Variants in ASTN1 observed in about 807,000 individuals in gnomAD.
ASTN1 encodes the protein astrotactin 1.
In ASTN1, 41 loss-of-function variants were observed where a neutral mutation model predicts 140.7. The ratio of observed to expected loss-of-function variants is 0.29; its 90% confidence interval spans 0.23 to 0.38. The LOEUF (loss-of-function observed/expected upper bound fraction) is 0.38. Ranked by LOEUF, ASTN1 falls within the 10% of genes least tolerant of loss-of-function variation. The probability of loss-of-function intolerance (pLI) is 1.00; values close to 1 mark genes in which losing one functional copy is unlikely to be tolerated. For missense variants in ASTN1, 1,479 were observed against 1,678.8 expected, an observed-to-expected ratio of 0.88 and a Z score of 2.08; for synonymous variants, 640 against 652.2, an observed-to-expected ratio of 0.98 and a Z score of 0.29.
chr1:176,981,978 A>G (rs1673641064), intron 8 of ASTN1, among the ~76,000 whole-genome samples: 6 of 152,168 alleles, frequency 3.9e-5, no homozygotes, highest in Admixed American at 3.9e-4. Context: ...GTGCCAAATA[A>G]AAAAAGGCTT....
At chr1:176,944,076 A>C in intron 13 of ASTN1, 58 bp from the exon 14 acceptor site, 1 of 1,545,544 alleles carries the variant, frequency 6.5e-7, no homozygotes. Flanking sequence ...CTCCTTACTG[A>C]GCATTTTTTT....
At chr1:177,112,757 T>C (rs1030677091) in intron 1 of ASTN1, among the ~76,000 whole-genome samples, 2 of 152,236 alleles carry the variant, frequency 1.3e-5, no homozygotes, top group Admixed American at 6.5e-5. Context: ...ACCTTTTATC[T>C]GTGCCTTTCA....
At chr1:176,979,628 C>T (rs1006723091) in intron 8 of ASTN1, among the ~76,000 whole-genome samples, 4 of 152,150 alleles carry the variant, frequency 2.6e-5, no homozygotes, top group African/African-American at 9.7e-5. Context: ...CCCTGTGAGC[C>T]TTCTTGTCAC....
intron 1 of ASTN1, 68 bp downstream of exon 1, chr1:177,164,326 G>A: frequency 4.3e-6 from 6 of 1,389,134 alleles, no homozygotes; most frequent in Non-Finnish European, 5.7e-6. Context: ...TGTGTAGAGC[G>A]AGCTGGAGTG....
At chr1:176,907,652 T>C (rs1367124019) in intron 16 of ASTN1, among the ~76,000 whole-genome samples, 2 of 152,168 alleles carry the variant, frequency 1.3e-5, no homozygotes, top group South Asian at 2.1e-4. Context: ...CACCTTCTTG[T>C]CAAGAAGGGA....
intron 8 of ASTN1, among the ~76,000 whole-genome samples, chr1:176,997,715 A>G (rs1674519004): frequency 6.6e-6 from 1 of 152,158 alleles, no homozygotes; most frequent in African/African-American, 2.4e-5. Context: ...GGTCTAGCAC[A>G]GGTCAAGACA....
At chr1:177,147,923 T>C (rs748840284) in intron 1 of ASTN1, among the ~76,000 whole-genome samples, 29 of 152,140 alleles carry the variant, frequency 1.9e-4, no homozygotes, top group South Asian at 4.1e-4. Flanking sequence ...ATTTTCCATA[T>C]GGAAGGGATG....
intron 1 of ASTN1, among the ~76,000 whole-genome samples, chr1:177,101,486 ATAAAATT>A (rs1680297051): frequency 6.6e-6 from 1 of 152,224 alleles, no homozygotes; most frequent in African/African-American, 2.4e-5. Flanking sequence ...GTAGCTTTAC[ATAAAATT>A]TAAAAATAGT....
chr1:177,162,239 T>C (rs1647421328), intron 1 of ASTN1, among the ~76,000 whole-genome samples: 1 of 152,240 alleles, frequency 6.6e-6, no homozygotes, highest in African/African-American at 2.4e-5. Flanking sequence ...TGCCCAGATC[T>C]GTTTAACCAC....
rs538770418 is a variant in ASTN1, at chr1:177,072,982, T to G, written c.284-11717A>C. Among the ~76,000 whole-genome samples the G allele has an allele frequency of 2.6e-5, 4 of 152,372 alleles. No individual in the cohort carries two copies. The East Asian group carries it at 7.7e-4, about 29-fold the overall frequency. On this transcript the variant is annotated intron_variant, in intron 1 of 22. Coordinates refer to ENST00000361833, the MANE Select transcript of ASTN1 (RefSeq NM_004319.3). ...AAAGTGCTGGGTTTTCTTCCTCTGA[T>G]GTGTAAGAGCACGTCCCAAAGGAAT...
At chr1:177,037,689 AT>A (rs1558050011) in intron 2 of ASTN1, among the ~76,000 whole-genome samples, 1 of 152,188 alleles carries the variant, frequency 6.6e-6, no homozygotes, top group East Asian at 1.9e-4. Flanking sequence ...AAAACATGGA[AT>A]TGCTTTGCTC....
intron 7 of ASTN1, among the ~76,000 whole-genome samples, chr1:177,019,542 G>A (rs1468381555): frequency 6.6e-6 from 1 of 152,202 alleles, no homozygotes. Context: ...GGAATGGCAG[G>A]CATACCTTGG....
At chr1:176,941,224 T>C (rs1671698314) in intron 14 of ASTN1, among the ~76,000 whole-genome samples, 1 of 152,172 alleles carries the variant, frequency 6.6e-6, no homozygotes, top group Non-Finnish European at 1.5e-5. Flanking sequence ...GGGGAAGATT[T>C]GGCCAAGTAT....
Position 176,861,672 on chromosome 1 carries a change from T to C in ASTN1, c.*2612A>G. 1.0e-6 allele frequency: 1 copy of C among 985,388 alleles called. No homozygotes were observed. The highest frequency in any genetic ancestry group is 4.7e-5 in the South Asian group (1 of 21,280). The allele number at this position is 985,388 out of a possible 1,614,324, so 61.0% of individuals were successfully genotyped here. A position where few individuals can be genotyped will look rare whatever the true frequency, so the allele number is the denominator to read the frequency against. On this transcript the variant is annotated 3_prime_UTR_variant, in exon 23 of 23. Transcript: ENST00000361833. The stretch of plus-strand genomic sequence containing the variant: ...GAGCCAGTCATAGGAGTTGTGTGCA[T>C]TGTGTGTGCACACGTGTGTGTGTGT...
At chr1:177,054,681 A>C (rs1677711778) in intron 2 of ASTN1, among the ~76,000 whole-genome samples, 1 of 152,234 alleles carries the variant, frequency 6.6e-6, no homozygotes, top group Non-Finnish European at 1.5e-5. Context: ...GGAAGGCAGG[A>C]CATTTAACAG....
chr1:176,908,150 C>T (rs1027904042), intron 16 of ASTN1, among the ~76,000 whole-genome samples: 3 of 151,966 alleles, frequency 2.0e-5, no homozygotes, highest in Non-Finnish European at 4.4e-5. Flanking sequence ...CACACACACA[C>T]ACACACACAC....
intron 2 of ASTN1, among the ~76,000 whole-genome samples, chr1:177,051,925 T>G (rs529805999): frequency 6.6e-6 from 1 of 152,224 alleles, no homozygotes; most frequent in East Asian, 1.9e-4. Flanking sequence ...AAAAATAAAT[T>G]AATAAATGAA....
chr1:176,876,374 T>C lies in ASTN1; in HGVS notation c.3463+163A>G, dbSNP rs192747920. Reference sequence around the variant, plus strand: ...GAGGACTTTTGCCAGCGGCTGAGTATTATTTCTGGAAAGGCAACGCTCCTG... The same window carrying C: ...GAGGACTTTTGCCAGCGGCTGAGTACTATTTCTGGAAAGGCAACGCTCCTG... On this transcript the variant is annotated intron_variant, in intron 21 of 22. Transcript: ENST00000361833. Among the ~76,000 whole-genome samples the C allele has an allele frequency of 2.0e-5, 3 of 152,268 alleles. No homozygotes were observed. The East Asian group carries it at 5.8e-4, about 30-fold the overall frequency.
intron 18 of ASTN1, 32 bp downstream of exon 18, chr1:176,888,039 A>G: frequency 6.2e-7 from 1 of 1,613,266 alleles, no homozygotes; most frequent in Non-Finnish European, 8.5e-7. Flanking sequence ...CTGTTTCCAG[A>G]GTAATGCTGA....
Sources: allele counts gnomAD v4.1 joint callset (sites outside exome capture counted in the v4.1 genomes callset), GRCh38; gene constraint gnomAD v4.1.1; transcripts MANE v1.5; gene names NCBI Gene and HGNC (gene_info 2026-07-23, HGNC 2026-07-21).